Variants in CCT4 observed in about 807,000 individuals in gnomAD.
CCT4 encodes the protein chaperonin containing TCP1 subunit 4, also known as T-complex protein 1 subunit delta.
CCT4 carries 17 observed loss-of-function variants against 62.5 expected under a neutral mutation model. That is an observed-to-expected ratio of 0.27 (90% CI 0.19 to 0.41). The LOEUF is 0.41. Ranked by LOEUF, CCT4 falls within the 10% of genes least tolerant of loss-of-function variation. CCT4 has a pLI of 1.00. For missense variants in CCT4, 592 were observed against 659.2 expected (o/e 0.90, Z 1.12); for synonymous variants, 250 against 229.9 (o/e 1.09, Z -0.79).
intron 13 of CCT4, 136 bp from the exon 14 acceptor site, chr2:61,868,842 A>G (rs1356483728): frequency 4.2e-6 from 3 of 708,376 alleles, no homozygotes; most frequent in African/African-American, 1.8e-5. Flanking sequence ...ATATTTATCA[A>G]AAGTAAAAAC....
At position 61,888,480 on chromosome 2, in the gene CCT4, C is replaced by T. The variant is rs763660510; in HGVS notation, c.28G>A (p.Gly10Arg). Residue 10 changes from glycine (G) to arginine (R), a missense_variant, in exon 1 of 14, where the codon GGG (glycine) becomes AGG (arginine). Physicochemically the swap from Gly to Arg is moderately radical, Grantham distance 125. Around this residue, in one of 3 missense-constraint regions of CCT4, gnomAD observed 67 missense variants for 71.1 expected, o/e 0.94. Coordinates refer to ENST00000394440, the MANE Select transcript of CCT4 (RefSeq NM_006430.4). Reference sequence around the variant, plus strand: ...CCGCCGGCAGCCCCGGCAGTCGCCCCGCTCCGGGGTGCCACATTCTCGGGC... The same window carrying T: ...CCGCCGGCAGCCCCGGCAGTCGCCCTGCTCCGGGGTGCCACATTCTCGGGC... MPENVAPRS[G>R]ATAGAAGGRG... is the part of the protein sequence containing the mutation. The T allele has an allele frequency of 6.8e-6, 11 of 1,611,902 alleles. No homozygotes were observed. The South Asian group carries it at 1.2e-4, about 18-fold the overall frequency.
chr2:61,870,256 C>T (rs6545913), intron 12 of CCT4, among the ~76,000 whole-genome samples: 148,801 of 152,078 alleles, frequency 0.98, 72,807 homozygotes, highest in East Asian at 1. Flanking sequence ...GCCTGGGTAA[C>T]AGAGTGAGAC....
chr2:61,884,923 G>C lies in CCT4; in HGVS notation c.180+97C>G, dbSNP rs1162533582. The C allele has an allele frequency of 4.7e-6, 5 of 1,073,714 alleles. No homozygotes were observed. The South Asian group carries it at 7.2e-5, about 16-fold the overall frequency. The allele number at this position is 1,073,714 out of a possible 1,614,324, so 66.5% of individuals were successfully genotyped here. ...TTATAGGTGTGAGCCACCACGCCCA[G>C]CCCCACTTTTTAAACAGCACATCTA... On this transcript the variant is annotated intron_variant, in intron 2 of 13. Transcript: ENST00000394440.
chr2:61,880,880 A>T (rs1044589818), intron 3 of CCT4, among the ~76,000 whole-genome samples: 18 of 151,824 alleles, frequency 1.2e-4, no homozygotes, highest in Admixed American at 8.5e-4. Context: ...TACTTTTTTT[A>T]AAAAGTCTTT....
At chr2:61,874,679 T>C (rs539365859) in intron 8 of CCT4, among the ~76,000 whole-genome samples, 24 of 152,004 alleles carry the variant, frequency 1.6e-4, no homozygotes, top group Non-Finnish European at 2.9e-4. Flanking sequence ...CTATGGACTA[T>C]GCAGAGCATT....
At chr2:61,876,383 G>C in intron 7 of CCT4, 149 bp from the exon 8 acceptor site, 1 of 524,558 alleles carries the variant, frequency 1.9e-6, no homozygotes, top group South Asian at 4.1e-5. Context: ...AAAGAGTCTG[G>C]ATTAAGATAC....
rs780226632 is a variant in CCT4 at position 61,872,985 on chromosome 2, A to C, written c.1125+17T>G. 4 of 1,388,898 alleles carry C rather than the reference A, an allele frequency of 2.9e-6. No individual in the cohort carries two copies. The South Asian group carries it at 4.7e-5, about 16-fold the overall frequency. 86.0% of individuals were successfully genotyped at this position (1,388,898 alleles called of 1,614,324 possible). ...CCCAAACCTAAGCAAATAAAAATTT[A>C]AGTGTAATACTGTTACCTTGAGCAG... is the stretch of plus-strand genomic sequence containing the variant. On this transcript the variant is annotated intron_variant, in intron 10 of 13. Coordinates refer to ENST00000394440, the MANE Select transcript of CCT4 (RefSeq NM_006430.4).
At chr2:61,874,877 G>T (rs943226862) in intron 8 of CCT4, among the ~76,000 whole-genome samples, 1 of 152,180 alleles carries the variant, frequency 6.6e-6, no homozygotes, top group African/African-American at 2.4e-5. Context: ...GGGCGTGGTG[G>T]CTCATGCCTG....
chr2:61,882,476 A>T (rs1291994712), intron 3 of CCT4, among the ~76,000 whole-genome samples: 1 of 152,100 alleles, frequency 6.6e-6, no homozygotes, highest in Non-Finnish European at 1.5e-5. Flanking sequence ...TGAAAGGAAA[A>T]ATAATCATTT....
At chr2:61,874,061 T>C (rs1156782034) in intron 8 of CCT4, among the ~76,000 whole-genome samples, 1 of 152,102 alleles carries the variant, frequency 6.6e-6, no homozygotes, top group East Asian at 1.9e-4. Context: ...CTTCATGAAT[T>C]TAGAAGTATT....
At chr2:61,874,064 G>T (rs1013638533) in intron 8 of CCT4, among the ~76,000 whole-genome samples, 5 of 152,080 alleles carry the variant, frequency 3.3e-5, no homozygotes, top group Non-Finnish European at 7.4e-5. Flanking sequence ...CATGAATTTA[G>T]AAGTATTAAT....
At chr2:61,870,540 G>A (rs969693671) in intron 12 of CCT4, among the ~76,000 whole-genome samples, 2 of 151,656 alleles carry the variant, frequency 1.3e-5, no homozygotes, top group Admixed American at 6.6e-5. Flanking sequence ...CCTTTATCCC[G>A]GGATTACTCC....
intron 5 of CCT4, 48 bp from the exon 6 acceptor site, chr2:61,877,562 GTCCTAAT>G: frequency 7.1e-7 from 1 of 1,415,926 alleles, no homozygotes; most frequent in Non-Finnish European, 9.4e-7. Context: ...GTAGAAAAAA[GTCCTAAT>G]TTTTCAATGA....
chr2:61,876,661 C>T (rs1490925316), intron 7 of CCT4, among the ~76,000 whole-genome samples: 1 of 152,132 alleles, frequency 6.6e-6, no homozygotes, highest in Non-Finnish European at 1.5e-5. Flanking sequence ...TAGGTTCAAG[C>T]AATTTTTCTG....
chr2:61,879,107 A>T, intron 4 of CCT4, 96 bp from the exon 5 acceptor site: 1 of 816,856 alleles, frequency 1.2e-6, no homozygotes, highest in South Asian at 1.8e-5. Context: ...AAGCAAGCAC[A>T]AATTTAACTA....
chr2:61,874,307 A>G (rs181543622), intron 8 of CCT4, among the ~76,000 whole-genome samples: 3 of 152,226 alleles, frequency 2.0e-5, no homozygotes, highest in African/African-American at 7.2e-5. Context: ...TAATGGAGTA[A>G]ATGGGAATGC....
At chr2:61,877,565 C>G in intron 5 of CCT4, 51 bp from the exon 6 acceptor site, 1 of 1,386,194 alleles carries the variant, frequency 7.2e-7, no homozygotes, top group South Asian at 1.5e-5. Context: ...GAAAAAAGTC[C>G]TAATTTTTCA....
At chr2:61,869,091 G>A (rs547166005) in intron 13 of CCT4, among the ~76,000 whole-genome samples, 7 of 143,926 alleles carry the variant, frequency 4.9e-5, no homozygotes, top group African/African-American at 1.0e-4. Context: ...GCAATGAGCC[G>A]AGATCATGCC....
chr2:61,885,065 A>G lies in CCT4; in HGVS notation c.135T>C (p.Ala45=). 2 of 1,549,948 alleles carry G rather than the reference A, an allele frequency of 1.3e-6. No individual in the cohort carries two copies. The highest frequency in any genetic ancestry group is 1.7e-6 in the Non-Finnish European group (2 of 1,156,986). ...GTCCAAGGCTTGTTCTAATAGCATC[A>G]GCAACCGCTGCAGATGGGGGGGAAA... is the stretch of plus-strand genomic sequence containing the variant. ...FSNISAAKAV[A]DAIRTSLGPK... is the part of the protein sequence containing the mutation. Residue 45 remains alanine, a synonymous_variant, in exon 2 of 14, where the codon GCT becomes GCC. Transcript: ENST00000394440.
Sources: gnomAD v4.1 joint callset for allele counts (sites outside exome capture counted in the v4.1 genomes callset) on GRCh38, gnomAD v4.1.1 for gene constraint, gnomAD v4.1.1 regional missense constraint, MANE v1.5 for transcripts, NCBI Gene and HGNC (gene_info 2026-07-23, HGNC 2026-07-21) for gene names.